Variants in PTPRD observed in about 807,000 individuals in gnomAD.
PTPRD encodes protein tyrosine phosphatase receptor type D.
In PTPRD, 34 loss-of-function variants were observed where a neutral mutation model predicts 214.5. That is an observed-to-expected ratio of 0.16 (90% CI 0.12 to 0.21). PTPRD has a LOEUF of 0.21. PTPRD is among the 10% of genes least tolerant of loss of function. The pLI, the probability that PTPRD is intolerant of heterozygous loss-of-function variation, is 1.00. For missense variants in PTPRD, 2,545 were observed against 2,398.7 expected, an observed-to-expected ratio of 1.06 and a Z score of -1.27; for synonymous variants, 1,128 against 845.7, an observed-to-expected ratio of 1.33 and a Z score of -5.79.
intron 9 of PTPRD, among the ~76,000 whole-genome samples, chr9:9,352,674 G>T (rs924477949): frequency 1.3e-5 from 2 of 151,846 alleles, no homozygotes; most frequent in African/African-American, 4.8e-5. Flanking sequence ...ATGTAGAAAC[G>T]TGTAAGCATG....
At chr9:8,919,624 AG>A (rs1443755402) in intron 11 of PTPRD, among the ~76,000 whole-genome samples, 2 of 152,146 alleles carry the variant, frequency 1.3e-5, no homozygotes, top group African/African-American at 4.8e-5. Context: ...TTCCATATAC[AG>A]ATGTTCATCT....
At chr9:10,511,971 T>TATATATATATATAC (rs2048315009) in intron 2 of PTPRD, among the ~76,000 whole-genome samples, 2 of 81,706 alleles carry the variant, frequency 2.4e-5, no homozygotes, top group Non-Finnish European at 5.2e-5. Flanking sequence ...TATATACGTG[T>TATATATATATATAC]GTGTGTATAT....
intron 7 of PTPRD, among the ~76,000 whole-genome samples, chr9:9,614,635 C>T (rs1009082390): frequency 2.0e-5 from 3 of 152,116 alleles, no homozygotes; most frequent in East Asian, 3.9e-4. Flanking sequence ...CTTTGATGTG[C>T]TATTTTGTAA....
intron 3 of PTPRD, among the ~76,000 whole-genome samples, chr9:10,289,895 G>A (rs769166508): frequency 6.6e-6 from 1 of 152,170 alleles, no homozygotes; most frequent in Non-Finnish European, 1.5e-5. Flanking sequence ...GAGAAAAACA[G>A]ATCCCTTATG....
At chr9:9,535,922 A>G (rs2076428220) in intron 8 of PTPRD, among the ~76,000 whole-genome samples, 1 of 152,064 alleles carries the variant, frequency 6.6e-6, no homozygotes, top group African/African-American at 2.4e-5. Context: ...TTTTGCTATA[A>G]GATTCGCTAT....
intron 2 of PTPRD, among the ~76,000 whole-genome samples, chr9:10,611,148 T>C (rs2080863684): frequency 6.6e-6 from 1 of 152,176 alleles, no homozygotes; most frequent in African/African-American, 2.4e-5. Context: ...GTATGTATTA[T>C]ACTGAGAAAG....
intron 11 of PTPRD, among the ~76,000 whole-genome samples, chr9:8,776,352 G>C (rs148066175): frequency 1.8e-3 from 267 of 152,236 alleles, no homozygotes; most frequent in African/African-American, 5.9e-3. Context: ...GCCCAGGCTG[G>C]AGTGCAATGG....
chr9:9,492,074 A>T (rs2095930479), intron 8 of PTPRD, among the ~76,000 whole-genome samples: 1 of 151,954 alleles, frequency 6.6e-6, no homozygotes, highest in African/African-American at 2.4e-5. Flanking sequence ...ATCACCAATT[A>T]TACAGAAATA....
At chr9:10,324,963 C>A (rs2096617746) in intron 3 of PTPRD, among the ~76,000 whole-genome samples, 1 of 151,926 alleles carries the variant, frequency 6.6e-6, no homozygotes, top group African/African-American at 2.4e-5. Context: ...CTTTCCTATA[C>A]TTTATTTAAA....
chr9:9,178,521 A>G (rs1187126709), intron 10 of PTPRD, among the ~76,000 whole-genome samples: 3 of 152,130 alleles, frequency 2.0e-5, no homozygotes, highest in African/African-American at 7.2e-5. Context: ...TGTCATGTAC[A>G]AATCATGGCC....
chr9:9,165,949 G>T lies in PTPRD; in HGVS notation c.-143+17355C>A, dbSNP rs112097293. Among the ~76,000 whole-genome samples, 366 of 151,756 alleles carry T rather than the reference G, an allele frequency of 2.4e-3. 2 individuals carry two copies. The highest frequency in any genetic ancestry group is 8.1e-3 in the African/African-American group (334 of 41,218). On this transcript the variant is annotated intron_variant, in intron 10 of 45. Coordinates refer to ENST00000381196, the MANE Select transcript of PTPRD (RefSeq NM_002839.4). ...ACAAACCAGCCTTTTCCCCTTAAGT[G>T]TATCACCCTTTTAATTTTTTTCTCA...
intron 11 of PTPRD, among the ~76,000 whole-genome samples, chr9:8,917,430 C>G (rs2098795165): frequency 6.6e-6 from 1 of 151,948 alleles, no homozygotes; most frequent in Non-Finnish European, 1.5e-5. Flanking sequence ...AGCCACCGCG[C>G]CCGGCCTACA....
chr9:9,776,733 C>CT (rs1286907711), intron 5 of PTPRD, among the ~76,000 whole-genome samples: 3 of 152,114 alleles, frequency 2.0e-5, no homozygotes, highest in Non-Finnish European at 2.9e-5. Flanking sequence ...TTTAAAATTA[C>CT]TTTTTTTCAA....
At chr9:10,491,391 T>C (rs2040180087) in intron 2 of PTPRD, among the ~76,000 whole-genome samples, 1 of 152,166 alleles carries the variant, frequency 6.6e-6, no homozygotes, top group African/African-American at 2.4e-5. Flanking sequence ...AAGAATTAGA[T>C]CACTGAAGAC....
rs182347882 is a variant in PTPRD, at chr9:9,591,385, G to C, written c.-286-16604C>G. Among the ~76,000 whole-genome samples, 43 of 152,096 alleles carry C rather than the reference G, an allele frequency of 2.8e-4. No individual in the cohort carries two copies. In the East Asian group the frequency reaches 8.2e-3, roughly 29 times the overall value. On this transcript the variant is annotated intron_variant, in intron 7 of 45. Transcript: ENST00000381196. Reference sequence around the variant, plus strand: ...AGGAAGTGATTAAGGCCAGCAAACTGTGTGAGCTTAGAAGCGGATTCATTC... The same window carrying C: ...AGGAAGTGATTAAGGCCAGCAAACTCTGTGAGCTTAGAAGCGGATTCATTC...
chr9:8,675,465 A>G (rs1050037235), intron 12 of PTPRD, among the ~76,000 whole-genome samples: 5 of 129,768 alleles, frequency 3.9e-5, no homozygotes, highest in African/African-American at 1.5e-4. Flanking sequence ...GTAATCCTGT[A>G]TTTCTTTATG....
chr9:9,018,108 C>T (rs997635623), intron 11 of PTPRD, among the ~76,000 whole-genome samples: 1 of 152,082 alleles, frequency 6.6e-6, no homozygotes, highest in Non-Finnish European at 1.5e-5. Context: ...CATTTGCTTT[C>T]CTTTTGACTG....
At chr9:8,463,670 A>C (rs965956733) in intron 32 of PTPRD, among the ~76,000 whole-genome samples, 39 of 152,010 alleles carry the variant, frequency 2.6e-4, no homozygotes, top group African/African-American at 8.9e-4. Context: ...GAAAAATATA[A>C]TTTCTTGTGC....
chr9:10,110,866 G>A (rs115110828), intron 3 of PTPRD, among the ~76,000 whole-genome samples: 2,402 of 152,216 alleles, frequency 0.016, 55 homozygotes, highest in African/African-American at 0.054. Flanking sequence ...TAATGCAGCC[G>A]ACTTTTAAAC....
Sources: allele counts gnomAD v4.1 joint callset (sites outside exome capture counted in the v4.1 genomes callset), GRCh38; gene constraint gnomAD v4.1.1; transcripts MANE v1.5; gene names NCBI Gene and HGNC (gene_info 2026-07-23, HGNC 2026-07-21).